Variants in SH3RF3 observed in about 807,000 individuals in gnomAD.
SH3RF3 encodes E3 ubiquitin-protein ligase SH3RF3.
Under a neutral mutation model 66.3 loss-of-function variants are expected in SH3RF3, and 29 were observed. The ratio of observed to expected loss-of-function variants is 0.44; its 90% confidence interval spans 0.33 to 0.60. SH3RF3 has a LOEUF of 0.60. SH3RF3 is among the 20% of genes least tolerant of loss of function. SH3RF3 has a pLI of 0.04. For missense variants in SH3RF3, 1,194 were observed against 1,190.9 expected (o/e 1.00, Z -0.04); for synonymous variants, 583 against 532.0 (o/e 1.10, Z -1.32).
intron 1 of SH3RF3, among the ~76,000 whole-genome samples, chr2:109,210,749 G>A (rs1185220370): frequency 1.3e-5 from 2 of 152,198 alleles, no homozygotes; most frequent in Non-Finnish European, 2.9e-5. Context: ...AGGAAAGGGA[G>A]AAATGCTGTG....
chr2:109,369,598 T>A (rs1683222530), intron 2 of SH3RF3, among the ~76,000 whole-genome samples: 1 of 152,070 alleles, frequency 6.6e-6, no homozygotes. Context: ...ATGGGGAAAG[T>A]GAGGGGTGTG....
chr2:109,141,946 C>T (rs531247556), intron 1 of SH3RF3, among the ~76,000 whole-genome samples: 7 of 152,192 alleles, frequency 4.6e-5, no homozygotes, highest in East Asian at 1.9e-4. Context: ...TCTACACTCA[C>T]GGAAGTCTCA....
intron 1 of SH3RF3, among the ~76,000 whole-genome samples, chr2:109,149,977 C>T (rs1335355425): frequency 1.3e-5 from 2 of 152,108 alleles, no homozygotes; most frequent in African/African-American, 2.4e-5. Flanking sequence ...GTTGAAGTCC[C>T]CTGGGGAACC....
intron 1 of SH3RF3, among the ~76,000 whole-genome samples, chr2:109,322,844 A>G (rs1021709983): frequency 6.6e-6 from 1 of 152,358 alleles, no homozygotes; most frequent in East Asian, 1.9e-4. Context: ...ATATGGGCAG[A>G]CAGCTTTATT....
At chr2:109,483,092 T>C (rs1678877052) in intron 8 of SH3RF3, among the ~76,000 whole-genome samples, 1 of 152,196 alleles carries the variant, frequency 6.6e-6, no homozygotes, top group Non-Finnish European at 1.5e-5. Context: ...TATATTGTTA[T>C]AAACCCTCCT....
intron 1 of SH3RF3, among the ~76,000 whole-genome samples, chr2:109,338,923 C>CAGTT (rs59296811): frequency 0.49 from 74,503 of 151,744 alleles, 19,537 homozygotes; most frequent in African/African-American, 0.68. Flanking sequence ...ATAACACAAA[C>CAGTT]AGTTGATCAA....
intron 7 of SH3RF3, among the ~76,000 whole-genome samples, chr2:109,446,402 G>A (rs1288375838): frequency 6.6e-6 from 1 of 152,244 alleles, no homozygotes; most frequent in Non-Finnish European, 1.5e-5. Context: ...CCGTTGCACA[G>A]TGGGGACAGG....
At chr2:109,278,732 C>T (rs1574546650) in intron 1 of SH3RF3, among the ~76,000 whole-genome samples, 1 of 152,318 alleles carries the variant, frequency 6.6e-6, no homozygotes, top group Non-Finnish European at 1.5e-5. Context: ...TGGTGAAAGG[C>T]AAGTCCCTAG....
intron 8 of SH3RF3, among the ~76,000 whole-genome samples, chr2:109,461,036 C>T (rs945553575): frequency 2.6e-5 from 4 of 152,218 alleles, no homozygotes; most frequent in African/African-American, 9.7e-5. Flanking sequence ...CAGGAGGCCA[C>T]AGGTGCAGGC....
chr2:109,200,915 G>A (rs1489150293), intron 1 of SH3RF3, among the ~76,000 whole-genome samples: 1 of 152,150 alleles, frequency 6.6e-6, no homozygotes. Context: ...TTGGGCCCTG[G>A]GTGCTGTTGG....
At chr2:109,417,273 C>T (rs186201222) in intron 4 of SH3RF3, among the ~76,000 whole-genome samples, 52 of 152,276 alleles carry the variant, frequency 3.4e-4, no homozygotes, top group African/African-American at 1.2e-3. Context: ...TACTTGCCCT[C>T]CAGCCCCCAC....
At chr2:109,411,680 AC>A (rs1191065414) in intron 4 of SH3RF3, among the ~76,000 whole-genome samples, 1 of 151,820 alleles carries the variant, frequency 6.6e-6, no homozygotes, top group Non-Finnish European at 1.5e-5. Flanking sequence ...TGTCCCTCGC[AC>A]CCCTCGCCCT....
chr2:109,273,855 T>G (rs1442323948), intron 1 of SH3RF3, among the ~76,000 whole-genome samples: 1 of 152,084 alleles, frequency 6.6e-6, no homozygotes, highest in Non-Finnish European at 1.5e-5. Context: ...AAGGGGTTGC[T>G]TGAAGTGAAA....
At chr2:109,300,199 A>T (rs115944952) in intron 1 of SH3RF3, among the ~76,000 whole-genome samples, 5,080 of 151,398 alleles carry the variant, frequency 0.034, 199 homozygotes, top group African/African-American at 0.09. Context: ...GCATCCTGAA[A>T]TTTTTTTTTC....
intron 1 of SH3RF3, chr2:109,141,622 G>A (rs941765789): frequency 1.3e-5 from 2 of 154,904 alleles, no homozygotes; most frequent in African/African-American, 4.8e-5. Flanking sequence ...TGTGAATTTA[G>A]GGTGCAGATC....
At chr2:109,199,587 T>TTAACCC (rs1558953897) in intron 1 of SH3RF3, among the ~76,000 whole-genome samples, 1 of 976 alleles carries the variant, frequency 1.0e-3, no homozygotes, top group Non-Finnish European at 2.3e-3. Context: ...TGGAATGGAA[T>TTAACCC]GGAATGGAAT....
At chr2:109,397,293 T>G (rs1358118855) in intron 3 of SH3RF3, among the ~76,000 whole-genome samples, 2 of 128,706 alleles carry the variant, frequency 1.6e-5, no homozygotes, top group Non-Finnish European at 3.0e-5. Context: ...ATTTACTCAG[T>G]TTTTTTCTGC....
intron 1 of SH3RF3, among the ~76,000 whole-genome samples, chr2:109,272,793 C>A (rs937575210): frequency 6.6e-6 from 1 of 152,180 alleles, no homozygotes; most frequent in Non-Finnish European, 1.5e-5. Flanking sequence ...TTAAACAGCC[C>A]CCGGTACTGC....
intron 3 of SH3RF3, among the ~76,000 whole-genome samples, chr2:109,390,622 T>A (rs939307612): frequency 1.5e-4 from 23 of 152,124 alleles, no homozygotes; most frequent in Non-Finnish European, 2.6e-4. Flanking sequence ...GACATAACTA[T>A]GACAAAGGTG....
Sources: gnomAD v4.1 joint callset for allele counts (sites outside exome capture counted in the v4.1 genomes callset) on GRCh38, gnomAD v4.1.1 for gene constraint, MANE v1.5 for transcripts, NCBI Gene and HGNC (gene_info 2026-07-23, HGNC 2026-07-21) for gene names.